The following EBF1 variants were observed in gnomAD, a reference collection of about 807,000 sequenced individuals.
EBF1 encodes transcription factor COE1.
EBF1 carries 10 observed loss-of-function variants against 68.4 expected under a neutral mutation model. That is an observed-to-expected ratio of 0.15 (90% CI 0.09 to 0.25). The LOEUF (loss-of-function observed/expected upper bound fraction) is 0.25, where lower values mean the gene tolerates loss of function less well. Ranked by LOEUF, EBF1 falls within the 10% of genes least tolerant of loss-of-function variation. The pLI is 1.00. For missense variants in EBF1, 509 were observed against 794.4 expected, an observed-to-expected ratio of 0.64 and a Z score of 4.32; for synonymous variants, 298 against 299.8, an observed-to-expected ratio of 0.99 and a Z score of 0.06.
intron 10 of EBF1, among the ~76,000 whole-genome samples, chr5:158,759,362 A>G (rs1430192961): frequency 6.6e-6 from 1 of 152,190 alleles, no homozygotes; most frequent in Non-Finnish European, 1.5e-5. Context: ...GACAGATATT[A>G]CAGAAACAAC....
chr5:158,723,755 C>A (rs772655291), intron 11 of EBF1, among the ~76,000 whole-genome samples: 1 of 151,926 alleles, frequency 6.6e-6, no homozygotes. Context: ...GGGAAGGAAA[C>A]AATAATGACA....
chr5:159,082,067 C>G (rs1779826625), intron 5 of EBF1, among the ~76,000 whole-genome samples: 1 of 152,122 alleles, frequency 6.6e-6, no homozygotes, highest in African/African-American at 2.4e-5. Context: ...ACCTTTCAGA[C>G]AGAACACAAT....
At chr5:158,915,645 C>T (rs922295375) in intron 6 of EBF1, among the ~76,000 whole-genome samples, 3 of 152,022 alleles carry the variant, frequency 2.0e-5, no homozygotes, top group Non-Finnish European at 4.4e-5. Flanking sequence ...GATCTGTGGC[C>T]CTTAAAGAAA....
intron 6 of EBF1, among the ~76,000 whole-genome samples, chr5:159,045,958 G>C (rs919835654): frequency 2.0e-5 from 3 of 152,074 alleles, no homozygotes; most frequent in Non-Finnish European, 4.4e-5. Context: ...TCTGAGCTTT[G>C]TTCCCTGCCC....
chr5:158,707,313 T>G (rs1489149029), intron 15 of EBF1, among the ~76,000 whole-genome samples: 2 of 152,186 alleles, frequency 1.3e-5, no homozygotes, highest in Non-Finnish European at 2.9e-5. Context: ...AATGAAAAGG[T>G]CATCTCAACT....
chr5:158,721,584 G>T (rs971756006), intron 11 of EBF1, among the ~76,000 whole-genome samples: 1 of 152,098 alleles, frequency 6.6e-6, no homozygotes, highest in Non-Finnish European at 1.5e-5. Context: ...AAAATTGTTC[G>T]CTGCCTATTA....
chr5:158,777,568 GT>G, intron 9 of EBF1, 29 bp from the exon 10 acceptor site: 3 of 1,574,348 alleles, frequency 1.9e-6, no homozygotes, highest in East Asian at 4.6e-5. Context: ...GGGAAAAATT[GT>G]CATTGCAATA....
intron 6 of EBF1, among the ~76,000 whole-genome samples, chr5:159,057,619 G>A (rs763912633): frequency 3.1e-4 from 47 of 152,190 alleles, no homozygotes; most frequent in Non-Finnish European, 7.3e-5. Flanking sequence ...ACTGGAACCA[G>A]AGCCAGGGAC....
At chr5:159,065,910 G>A (rs914468646) in intron 6 of EBF1, among the ~76,000 whole-genome samples, 4 of 152,110 alleles carry the variant, frequency 2.6e-5, no homozygotes, top group African/African-American at 9.7e-5. Context: ...TCGGGCCTCT[G>A]TCAGTCCTTT....
Position 159,099,558 on chromosome 5 carries a change from A to G in EBF1, c.-80T>C. 7.3e-7 allele frequency: 1 copy of G among 1,379,078 alleles called. No individual in the cohort carries two copies. The allele number at this position is 1,379,078 out of a possible 1,614,324, so 85.4% of individuals were successfully genotyped here. A position where few individuals can be genotyped will look rare whatever the true frequency, so the allele number is the denominator to read the frequency against. ...AAAAAAAAAGGAAAGAAAAGAAAGAAAAGAAAAGAAACAAAAACGCCAACC... is the reference window on the plus strand; with the variant it reads ...AAAAAAAAAGGAAAGAAAAGAAAGAGAAGAAAAGAAACAAAAACGCCAACC... On this transcript the variant is annotated 5_prime_UTR_variant, in exon 1 of 16. Transcript: ENST00000313708.
At chr5:158,759,866 A>G (rs1581650133) in intron 10 of EBF1, among the ~76,000 whole-genome samples, 1 of 152,130 alleles carries the variant, frequency 6.6e-6, no homozygotes, top group Non-Finnish European at 1.5e-5. Flanking sequence ...CCTGGAACAT[A>G]ATAGCTATTC....
At chr5:159,099,235 C>T (rs995615100) in intron 1 of EBF1, 110 bp downstream of exon 1, 2 of 903,652 alleles carry the variant, frequency 2.2e-6, no homozygotes, top group African/African-American at 3.6e-5. Context: ...GCTGCGGACT[C>T]ACCCCGCCGC....
chr5:158,813,274 C>G (rs973096259), intron 8 of EBF1, among the ~76,000 whole-genome samples: 1 of 152,160 alleles, frequency 6.6e-6, no homozygotes, highest in Non-Finnish European at 1.5e-5. Context: ...AACACACAAC[C>G]ATTAAAAATG....
chr5:158,731,172 T>C lies in EBF1; in HGVS notation c.1037-15A>G. 1 of 1,612,028 alleles carries C rather than the reference T, an allele frequency of 6.2e-7. No individual in the cohort carries two copies. On this transcript the variant is annotated splice_polypyrimidine_tract_variant and intron_variant, in intron 10 of 15. Transcript: ENST00000313708. ...TTCGTTGAGCGCTGCAATAAAGAAG[T>C]CACACAATTAGTACATTTTCAAGAA...
At chr5:158,738,170 CCTAT>C (rs1244079186) in intron 10 of EBF1, among the ~76,000 whole-genome samples, 2 of 152,080 alleles carry the variant, frequency 1.3e-5, no homozygotes, top group African/African-American at 4.8e-5. Flanking sequence ...CAGGCTTATA[CCTAT>C]CTCTTTCTTT....
chr5:158,742,648 C>T (rs1195277404), intron 10 of EBF1, among the ~76,000 whole-genome samples: 1 of 152,172 alleles, frequency 6.6e-6, no homozygotes, highest in Non-Finnish European at 1.5e-5. Context: ...AATACAACAG[C>T]AGGAAGATGT....
chr5:158,842,414 T>C (rs1790514198), intron 6 of EBF1, among the ~76,000 whole-genome samples: 1 of 152,210 alleles, frequency 6.6e-6, no homozygotes, highest in South Asian at 2.1e-4. Flanking sequence ...ATTTCAAAGC[T>C]ACTTCAAGCC....
At chr5:158,705,435 C>T (rs896163067) in intron 15 of EBF1, among the ~76,000 whole-genome samples, 23 of 152,206 alleles carry the variant, frequency 1.5e-4, no homozygotes, top group Admixed American at 4.6e-4. Context: ...TGAATCAGAC[C>T]TCAAACCTCC....
At chr5:158,775,589 T>C (rs1392915764) in intron 10 of EBF1, among the ~76,000 whole-genome samples, 1 of 152,034 alleles carries the variant, frequency 6.6e-6, no homozygotes, top group East Asian at 1.9e-4. Flanking sequence ...AGAGAAAACA[T>C]TTGGCCTCTG....
Sources: gnomAD v4.1 joint callset for allele counts (sites outside exome capture counted in the v4.1 genomes callset) on GRCh38, gnomAD v4.1.1 for gene constraint, MANE v1.5 for transcripts, NCBI Gene and HGNC (gene_info 2026-07-23, HGNC 2026-07-21) for gene names.